The following CFAP299 variants were observed in gnomAD, a reference collection of about 807,000 sequenced individuals.
The protein encoded by CFAP299 is cilia- and flagella-associated protein 299.
CFAP299 carries 21 observed loss-of-function variants against 27.0 expected under a neutral mutation model. The observed-to-expected ratio is 0.78, with a 90% CI of 0.55 to 1.12. The LOEUF is 1.12. CFAP299 is among the 50% of genes most tolerant of loss of function. The pLI, the probability that CFAP299 is intolerant of heterozygous loss-of-function variation, is 0.00. For missense variants in CFAP299, 310 were observed against 276.6 expected, an observed-to-expected ratio of 1.12 and a Z score of -0.86; for synonymous variants, 104 against 98.1, an observed-to-expected ratio of 1.06 and a Z score of -0.36.
At chr4:80,660,070 T>C (rs944416694) in intron 3 of CFAP299, among the ~76,000 whole-genome samples, 2 of 152,116 alleles carry the variant, frequency 1.3e-5, no homozygotes, top group Non-Finnish European at 2.9e-5. Flanking sequence ...ATAGGCAGTA[T>C]AGAGCATCAC....
intron 3 of CFAP299, among the ~76,000 whole-genome samples, chr4:80,777,522 C>G (rs994347139): frequency 6.6e-6 from 1 of 152,144 alleles, no homozygotes; most frequent in Non-Finnish European, 1.5e-5. Flanking sequence ...AAATATAAGT[C>G]ATGTGGATAT....
At chr4:80,868,892 G>A (rs1732902168) in intron 3 of CFAP299, among the ~76,000 whole-genome samples, 1 of 139,214 alleles carries the variant, frequency 7.2e-6, no homozygotes, top group Non-Finnish European at 1.5e-5. Context: ...TCCATGGGTG[G>A]GGGCTTCTCT....
intron 3 of CFAP299, among the ~76,000 whole-genome samples, chr4:80,685,970 G>C (rs951686556): frequency 3.3e-5 from 5 of 152,052 alleles, no homozygotes; most frequent in Non-Finnish European, 7.4e-5. Flanking sequence ...AATGATTCAG[G>C]TTCTTAATAT....
At chr4:80,809,866 AT>A (rs1337630992) in intron 3 of CFAP299, among the ~76,000 whole-genome samples, 2 of 152,044 alleles carry the variant, frequency 1.3e-5, no homozygotes, top group Non-Finnish European at 2.9e-5. Flanking sequence ...CCTCAAAACA[AT>A]TTTTTGGGGG....
At chr4:80,864,565 A>G (rs916877989) in intron 3 of CFAP299, among the ~76,000 whole-genome samples, 4 of 148,882 alleles carry the variant, frequency 2.7e-5, no homozygotes, top group African/African-American at 9.8e-5. Flanking sequence ...TATAATAACT[A>G]AAACGTTTGT....
At chr4:80,332,825 C>T (rs1721988764), upstream of CFAP299, among the ~76,000 whole-genome samples, 1 of 152,088 alleles carries the variant, frequency 6.6e-6, no homozygotes, top group Admixed American at 6.5e-5. Flanking sequence ...TGATTGTTTG[C>T]CCACTCAGGG....
At chr4:80,648,579 G>A (rs150091323) in intron 3 of CFAP299, among the ~76,000 whole-genome samples, 7 of 152,170 alleles carry the variant, frequency 4.6e-5, no homozygotes, top group Middle Eastern at 3.4e-3. Flanking sequence ...TAAAGACAAG[G>A]TGTTAAAATC....
intron 4 of CFAP299, among the ~76,000 whole-genome samples, chr4:80,943,516 AC>A (rs1457767477): frequency 6.6e-6 from 1 of 152,140 alleles, no homozygotes; most frequent in Non-Finnish European, 1.5e-5. Flanking sequence ...AATAAATATT[AC>A]AAACATTTGA....
chr4:80,666,701 A>G (rs1741156594), intron 3 of CFAP299, among the ~76,000 whole-genome samples: 2 of 152,212 alleles, frequency 1.3e-5, no homozygotes, highest in South Asian at 4.1e-4. Context: ...CTGGAAAATG[A>G]TAAAACTATA....
intron 3 of CFAP299, among the ~76,000 whole-genome samples, chr4:80,645,361 GT>G (rs33987575): frequency 0.61 from 92,237 of 151,598 alleles, 31,973 homozygotes; most frequent in Non-Finnish European, 0.77. Context: ...TTTAGCCTTA[GT>G]TTTTTCTTTT....
At chr4:80,829,592 T>C (rs1277652759) in intron 3 of CFAP299, among the ~76,000 whole-genome samples, 1 of 152,058 alleles carries the variant, frequency 6.6e-6, no homozygotes, top group African/African-American at 2.4e-5. Context: ...AGTAATATAA[T>C]TGAAGTCAAC....
At chr4:80,437,918 T>C (rs1291857666) in intron 2 of CFAP299, among the ~76,000 whole-genome samples, 2 of 150,344 alleles carry the variant, frequency 1.3e-5, no homozygotes, top group Non-Finnish European at 3.0e-5. Context: ...TTCTTTAGGT[T>C]TCTTTCTTAT....
chr4:80,802,555 T>C (rs1004472615), intron 3 of CFAP299, among the ~76,000 whole-genome samples: 1 of 152,050 alleles, frequency 6.6e-6, no homozygotes, highest in African/African-American at 2.4e-5. Context: ...ATACACTCCA[T>C]TCTTTCTGCC....
chr4:80,916,297 T>TATATATATA, intron 4 of CFAP299, among the ~76,000 whole-genome samples: 1 of 62,482 alleles, frequency 1.6e-5, no homozygotes, highest in East Asian at 4.1e-4. Context: ...ATATATATAT[T>TATATATATA]TCAGGTACAG....
chr4:80,778,693 A>G (rs1254227315), intron 3 of CFAP299, among the ~76,000 whole-genome samples: 1 of 152,096 alleles, frequency 6.6e-6, no homozygotes, highest in Non-Finnish European at 1.5e-5. Context: ...CAGATTTATA[A>G]AGGGATAGGG....
At chr4:80,431,750 C>T (rs1295195252) in intron 2 of CFAP299, among the ~76,000 whole-genome samples, 1 of 152,174 alleles carries the variant, frequency 6.6e-6, no homozygotes, top group Non-Finnish European at 1.5e-5. Context: ...TGCTCATTAA[C>T]CCTATTGTTC....
chr4:80,430,912 A>G (rs1340298043), intron 2 of CFAP299, among the ~76,000 whole-genome samples: 1 of 152,202 alleles, frequency 6.6e-6, no homozygotes, highest in Non-Finnish European at 1.5e-5. Context: ...GTTGTCCAAC[A>G]CCAGGGCCTT....
At chr4:80,799,843 T>A (rs184382238) in intron 3 of CFAP299, among the ~76,000 whole-genome samples, 2,089 of 26,782 alleles carry the variant, frequency 0.078, 163 homozygotes, top group East Asian at 0.32. Context: ...TATATTATAT[T>A]ATATAATATA....
intron 3 of CFAP299, among the ~76,000 whole-genome samples, chr4:80,763,601 A>T (rs915282290): frequency 6.6e-6 from 1 of 152,150 alleles, no homozygotes; most frequent in African/African-American, 2.4e-5. Context: ...ACTAGAAAAA[A>T]CTACTTTAAA....
Sources: gnomAD v4.1 joint callset for allele counts (sites outside exome capture counted in the v4.1 genomes callset) on GRCh38, gnomAD v4.1.1 for gene constraint, MANE v1.5 for transcripts, NCBI Gene and HGNC (gene_info 2026-07-23, HGNC 2026-07-21) for gene names.